Variants in CACNA2D1 observed in about 807,000 individuals in gnomAD.
The protein encoded by CACNA2D1 is calcium voltage-gated channel auxiliary subunit alpha2delta 1.
A neutral mutation model predicts 171.5 loss-of-function variants in CACNA2D1; 53 were observed. That is an observed-to-expected ratio of 0.31 (90% confidence interval 0.25 to 0.39). The LOEUF (loss-of-function observed/expected upper bound fraction) is 0.39, where lower values mean the gene tolerates loss of function less well. Ranked by LOEUF, CACNA2D1 falls within the 10% of genes least tolerant of loss-of-function variation. CACNA2D1 has a pLI of 1.00. For missense variants in CACNA2D1, 903 were observed against 1,299.8 expected, an observed-to-expected ratio of 0.69 and a Z score of 4.69; for synonymous variants, 442 against 443.1, an observed-to-expected ratio of 1.00 and a Z score of 0.03.
At chr7:82,397,110 T>C (rs1825823269) in intron 1 of CACNA2D1, among the ~76,000 whole-genome samples, 1 of 152,118 alleles carries the variant, frequency 6.6e-6, no homozygotes, top group South Asian at 2.1e-4. Context: ...CCAAAATCAT[T>C]TGGTCTTGGA....
At chr7:81,952,811 A>G (rs1173453175) in intron 38 of CACNA2D1, among the ~76,000 whole-genome samples, 1 of 151,952 alleles carries the variant, frequency 6.6e-6, no homozygotes, top group South Asian at 2.1e-4. Flanking sequence ...ACTCTTTTGT[A>G]TGTTCAATCC....
At chr7:82,215,242 T>C (rs1800977761) in intron 3 of CACNA2D1, among the ~76,000 whole-genome samples, 2 of 152,214 alleles carry the variant, frequency 1.3e-5, no homozygotes, top group Admixed American at 1.3e-4. Flanking sequence ...TCTTACATAT[T>C]GGTTCATTTC....
Position 82,060,442 on chromosome 7 carries a change from C to A in CACNA2D1, c.865G>T (p.Val289Leu). 6.2e-7 allele frequency: 1 copy of A among 1,606,108 alleles called. No individual in the cohort carries two copies. Among genetic ancestry groups the A allele is most frequent in the Non-Finnish European group, 8.5e-7 (1 of 1,175,664 alleles). ...CTTATACTTACTGAAGCTACATTCA[C>A]GAAATCATCATCTGAGAGGGTTTCT... ...MLETLSDDDFVNVASFNSNAQ... is the reference protein window; with the variant it reads ...MLETLSDDDFLNVASFNSNAQ... The change falls in exon 10 of 39, where the codon GTG (valine) becomes TTG (leucine). Residue 289 changes from valine to leucine, a missense_variant. Physicochemically the swap from Val to Leu is conservative, Grantham distance 32. Coordinates refer to ENST00000356860, the MANE Select transcript of CACNA2D1 (RefSeq NM_000722.4).
chr7:81,955,974 ATATATATTTT>A (rs1456781213), intron 38 of CACNA2D1, among the ~76,000 whole-genome samples: 3,353 of 70,408 alleles, frequency 0.048, 17 homozygotes, highest in East Asian at 0.12. Context: ...ATATATATAT[ATATATATTTT>A]TTTTTTTTTT....
chr7:82,034,557 G>C (rs987188833), intron 11 of CACNA2D1, among the ~76,000 whole-genome samples: 31 of 151,992 alleles, frequency 2.0e-4, no homozygotes, highest in African/African-American at 7.2e-4. Flanking sequence ...CTGAAAATCT[G>C]ACTACACAAA....
At chr7:82,116,247 CCT>C (rs1789027132) in intron 6 of CACNA2D1, among the ~76,000 whole-genome samples, 1 of 152,066 alleles carries the variant, frequency 6.6e-6, no homozygotes, top group East Asian at 1.9e-4. Flanking sequence ...GAACAAATAC[CCT>C]GTTTCTGGTC....
intron 3 of CACNA2D1, among the ~76,000 whole-genome samples, chr7:82,319,814 A>T (rs1815592296): frequency 6.6e-6 from 1 of 152,240 alleles, no homozygotes. Context: ...GAGTCCTGAG[A>T]CTAAATGAAT....
chr7:82,341,531 C>A (rs2129444994), intron 2 of CACNA2D1, among the ~76,000 whole-genome samples: 1 of 152,274 alleles, frequency 6.6e-6, no homozygotes, highest in African/African-American at 2.4e-5. Context: ...TCAACCTCTT[C>A]CTTCCCTTTG....
At chr7:82,042,154 T>C (rs534840618) in intron 10 of CACNA2D1, among the ~76,000 whole-genome samples, 12 of 152,290 alleles carry the variant, frequency 7.9e-5, no homozygotes, top group Admixed American at 5.2e-4. Flanking sequence ...TAACTCCCTA[T>C]AGCAAATCTT....
chr7:81,955,912 G>GC (rs1400512057), intron 38 of CACNA2D1, among the ~76,000 whole-genome samples: 2 of 110,758 alleles, frequency 1.8e-5, no homozygotes, highest in Non-Finnish European at 3.7e-5. Context: ...TGGTGGGGGG[G>GC]GGGGGGGGTG....
intron 5 of CACNA2D1, among the ~76,000 whole-genome samples, chr7:82,133,446 G>A (rs902362306): frequency 2.0e-5 from 3 of 152,200 alleles, no homozygotes; most frequent in African/African-American, 7.2e-5. Context: ...ATGCTGAGCA[G>A]CCTGTGAGGA....
intron 24 of CACNA2D1, among the ~76,000 whole-genome samples, chr7:81,978,816 ATATATTTATT>A (rs1433173186): frequency 1.0e-3 from 94 of 91,944 alleles, no homozygotes; most frequent in African/African-American, 5.0e-3. Context: ...ATATATATAT[ATATATTTATT>A]TATTTATTTA....
At chr7:82,181,639 A>T (rs935973269) in intron 3 of CACNA2D1, among the ~76,000 whole-genome samples, 2 of 152,252 alleles carry the variant, frequency 1.3e-5, no homozygotes, top group Non-Finnish European at 2.9e-5. Context: ...AGATTATCTT[A>T]AAAAAGCAAG....
chr7:82,084,986 A>G (rs1810275719), intron 6 of CACNA2D1, 86 bp from the exon 7 acceptor site: 1 of 1,129,808 alleles, frequency 8.9e-7, no homozygotes, highest in Admixed American at 1.9e-5. Context: ...ATAATATTAA[A>G]TATGTTCATT....
At chr7:82,434,389 T>C (rs1250380262) in intron 1 of CACNA2D1, among the ~76,000 whole-genome samples, 12 of 152,196 alleles carry the variant, frequency 7.9e-5, no homozygotes, top group Admixed American at 7.2e-4. Context: ...GTATGTAACA[T>C]AGGTAAACTT....
intron 3 of CACNA2D1, among the ~76,000 whole-genome samples, chr7:82,212,560 A>G (rs1049682209): frequency 2.6e-5 from 4 of 152,202 alleles, no homozygotes; most frequent in African/African-American, 7.2e-5. Flanking sequence ...GGGGAAATTC[A>G]GCCTGGGAAT....
chr7:82,056,251 A>G (rs923002167), intron 10 of CACNA2D1, among the ~76,000 whole-genome samples: 1 of 151,956 alleles, frequency 6.6e-6, no homozygotes, highest in Non-Finnish European at 1.5e-5. Flanking sequence ...AAACTCATGG[A>G]CTCCTATACA....
At chr7:82,161,336 G>A (rs1474147550) in intron 4 of CACNA2D1, among the ~76,000 whole-genome samples, 1 of 152,030 alleles carries the variant, frequency 6.6e-6, no homozygotes, top group Admixed American at 6.6e-5. Flanking sequence ...GGGGTAGCAT[G>A]TACTGAACCT....
intron 3 of CACNA2D1, among the ~76,000 whole-genome samples, chr7:82,271,466 A>G (rs1260140628): frequency 2.6e-5 from 4 of 152,128 alleles, no homozygotes; most frequent in Non-Finnish European, 5.9e-5. Context: ...TTCATTTTCT[A>G]CCATCCACAA....
Sources: allele counts gnomAD v4.1 joint callset (sites outside exome capture counted in the v4.1 genomes callset), GRCh38; gene constraint gnomAD v4.1.1; transcripts MANE v1.5; gene names NCBI Gene and HGNC (gene_info 2026-07-23, HGNC 2026-07-21).